Variants in CSMD1 observed in about 807,000 individuals in gnomAD.
CSMD1 encodes CUB and Sushi multiple domains 1.
A neutral mutation model predicts 417.5 loss-of-function variants in CSMD1; 213 were observed. The ratio of observed to expected loss-of-function variants is 0.51; its 90% CI spans 0.46 to 0.57. CSMD1 has a LOEUF of 0.57. CSMD1 is among the 20% of genes least tolerant of loss of function. The pLI is 0.00. For synonymous variants in CSMD1, 2,862 were observed against 1,736.8 expected, an observed-to-expected ratio of 1.65 and a Z score of -16.11; for missense variants, 6,923 against 4,529.7, an observed-to-expected ratio of 1.53 and a Z score of -15.17.
At chr8:3,790,673 C>A (rs535123669) in intron 5 of CSMD1, among the ~76,000 whole-genome samples, 22 of 152,204 alleles carry the variant, frequency 1.4e-4, no homozygotes, top group Non-Finnish European at 2.5e-4. Flanking sequence ...TTGTTGTTAA[C>A]AGGGTTTGTT....
chr8:4,713,726 A>G (rs935279339), intron 1 of CSMD1, among the ~76,000 whole-genome samples: 12 of 152,186 alleles, frequency 7.9e-5, no homozygotes, highest in African/African-American at 2.7e-4. Flanking sequence ...CCCAAACCCC[A>G]AACCTGGCCC....
intron 1 of CSMD1, among the ~76,000 whole-genome samples, chr8:4,801,747 G>A (rs1401407677): frequency 1.3e-5 from 2 of 151,028 alleles, no homozygotes; most frequent in South Asian, 2.1e-4. Flanking sequence ...GAAAAACACA[G>A]AAACTTTGTG....
Position 4,198,117 on chromosome 8 carries a change from G to T in CSMD1, c.416-166018C>A, listed in dbSNP as rs187986760. ...GTCTGAGTTAAGGTAAGTTTTACGG[G>T]AGAAGGTTCTTTGAGTTGAGTCTTA... On this transcript the variant is annotated intron_variant, in intron 3 of 69. Coordinates refer to ENST00000635120, the MANE Select transcript of CSMD1 (RefSeq NM_033225.6). 1.1e-4 allele frequency among the ~76,000 whole-genome samples: 17 copies of T among 152,364 alleles called. No homozygotes were observed. In the East Asian group the frequency reaches 3.3e-3, roughly 29 times the overall value.
intron 53 of CSMD1, among the ~76,000 whole-genome samples, chr8:2,999,434 G>A (rs908628807): frequency 4.6e-5 from 7 of 152,064 alleles, no homozygotes; most frequent in African/African-American, 7.2e-5. Flanking sequence ...GATTACAGGC[G>A]TGAGCCACCA....
At chr8:4,817,249 T>G (rs1439802547) in intron 1 of CSMD1, among the ~76,000 whole-genome samples, 1 of 152,204 alleles carries the variant, frequency 6.6e-6, no homozygotes, top group Non-Finnish European at 1.5e-5. Context: ...TGAAAAAATA[T>G]GAAGATTTTC....
At chr8:3,701,903 C>T (rs1800891449) in intron 7 of CSMD1, among the ~76,000 whole-genome samples, 1 of 152,130 alleles carries the variant, frequency 6.6e-6, no homozygotes, top group Non-Finnish European at 1.5e-5. Flanking sequence ...AAGAGTCCAT[C>T]AGTTGCTTTT....
At chr8:3,733,400 G>A (rs935762454) in intron 6 of CSMD1, among the ~76,000 whole-genome samples, 4 of 148,574 alleles carry the variant, frequency 2.7e-5, no homozygotes, top group Admixed American at 1.3e-4. Flanking sequence ...TGGATTAGAT[G>A]ATAGAAACCT....
rs578209873 is a variant in CSMD1, at chr8:3,661,525, C to G, written c.1010-44728G>C. Among the ~76,000 whole-genome samples, 14 of 151,998 alleles carry G rather than the reference C, an allele frequency of 9.2e-5. No individual in the cohort carries two copies. The East Asian group carries it at 2.1e-3, about 23-fold the overall frequency. On this transcript the variant is annotated intron_variant, in intron 7 of 69. Transcript: ENST00000635120. Reference sequence around the variant, plus strand: ...TTTTTTTTCTTTTTTGAGACTGAGTCCCACTTTATCACCCAGGCTGCAGTG... The same window carrying G: ...TTTTTTTTCTTTTTTGAGACTGAGTGCCACTTTATCACCCAGGCTGCAGTG...
At chr8:3,924,870 T>C (rs2129145946) in intron 5 of CSMD1, among the ~76,000 whole-genome samples, 1 of 152,330 alleles carries the variant, frequency 6.6e-6, no homozygotes, top group South Asian at 2.1e-4. Context: ...CTCATTTCTT[T>C]AGGGTTTGGT....
chr8:3,594,581 C>G (rs1801006066), intron 8 of CSMD1, among the ~76,000 whole-genome samples: 1 of 152,168 alleles, frequency 6.6e-6, no homozygotes, highest in South Asian at 2.1e-4. Flanking sequence ...TCCTACCTTC[C>G]TGTTTTGAAG....
chr8:4,278,646 A>T (rs1025656119), intron 3 of CSMD1, among the ~76,000 whole-genome samples: 2 of 152,234 alleles, frequency 1.3e-5, no homozygotes, highest in African/African-American at 4.8e-5. Flanking sequence ...AATTCAACAT[A>T]AAGTGTAGCT....
At chr8:3,063,601 T>C (rs1812734066) in intron 49 of CSMD1, among the ~76,000 whole-genome samples, 1 of 152,226 alleles carries the variant, frequency 6.6e-6, no homozygotes, top group African/African-American at 2.4e-5. Context: ...AAGAGATGAA[T>C]GGCTAAACCA....
chr8:4,692,924 T>A (rs1477896625), intron 1 of CSMD1, among the ~76,000 whole-genome samples: 1 of 152,206 alleles, frequency 6.6e-6, no homozygotes, highest in Non-Finnish European at 1.5e-5. Context: ...GATTCCCAGT[T>A]TTGCCTCATT....
intron 3 of CSMD1, among the ~76,000 whole-genome samples, chr8:4,257,017 C>A (rs901417647): frequency 2.6e-5 from 4 of 152,174 alleles, no homozygotes; most frequent in African/African-American, 9.7e-5. Context: ...ATGCAAGCTA[C>A]TGGGATCAAG....
intron 5 of CSMD1, among the ~76,000 whole-genome samples, chr8:3,988,341 A>G (rs143386375): frequency 5.7e-4 from 87 of 152,350 alleles, no homozygotes; most frequent in African/African-American, 1.9e-3. Context: ...CTGAAATAGC[A>G]TAACTACTGC....
intron 4 of CSMD1, 43 bp downstream of exon 4, chr8:4,031,862 C>T (rs752268774): frequency 2.9e-5 from 42 of 1,451,696 alleles, no homozygotes; most frequent in Non-Finnish European, 3.7e-5. Flanking sequence ...AAACCATTGC[C>T]CTGCCCTGGA....
chr8:3,459,498 C>T lies in CSMD1; in HGVS notation c.1561+9214G>A, dbSNP rs180718459. 1.8e-3 allele frequency among the ~76,000 whole-genome samples: 279 copies of T among 152,224 alleles called. 1 individual carries two copies. Among genetic ancestry groups the T allele is most frequent in the African/African-American group, 6.5e-3 (270 of 41,542 alleles). On this transcript the variant is annotated intron_variant, in intron 12 of 69. Coordinates refer to ENST00000635120, the MANE Select transcript of CSMD1 (RefSeq NM_033225.6). ...GACCCCTGGGTGATCTCCACGCATG[C>T]GGCAGTCGGAGACACGGATGAGAGC...
intron 3 of CSMD1, among the ~76,000 whole-genome samples, chr8:4,235,227 G>C (rs368752491): frequency 3.3e-5 from 5 of 152,094 alleles, no homozygotes; most frequent in South Asian, 4.2e-4. Context: ...GTGCAAAAAA[G>C]AAAACGAACA....
chr8:3,721,370 T>A (rs930093424), intron 6 of CSMD1, among the ~76,000 whole-genome samples: 1 of 152,146 alleles, frequency 6.6e-6, no homozygotes, highest in Non-Finnish European at 1.5e-5. Flanking sequence ...AAGTGAATCA[T>A]CAACGTCTCT....
Sources: gnomAD v4.1 joint callset for allele counts (sites outside exome capture counted in the v4.1 genomes callset) on GRCh38, gnomAD v4.1.1 for gene constraint, MANE v1.5 for transcripts, NCBI Gene and HGNC (gene_info 2026-07-23, HGNC 2026-07-21) for gene names.